The following DLG2 variants were observed in gnomAD, a reference collection of about 807,000 sequenced individuals.
The protein encoded by DLG2 is disks large homolog 2.
A neutral mutation model predicts 132.5 loss-of-function variants in DLG2; 45 were observed. That is an observed-to-expected ratio of 0.34 (90% CI 0.27 to 0.44). The LOEUF is 0.44. Ranked by LOEUF, DLG2 falls within the 20% of genes least tolerant of loss-of-function variation. The pLI is 1.00. For synonymous variants in DLG2, 424 were observed against 419.6 expected (o/e 1.01, Z -0.13); for missense variants, 1,045 against 1,196.9 (o/e 0.87, Z 1.87).
chr11:84,840,803 G>C (rs2080539394), intron 6 of DLG2, among the ~76,000 whole-genome samples: 2 of 151,960 alleles, frequency 1.3e-5, no homozygotes, highest in Admixed American at 1.3e-4. Context: ...AGAACACTTG[G>C]ACACAGGTCG....
At chr11:83,985,594 GACA>G (rs2093208819) in intron 11 of DLG2, among the ~76,000 whole-genome samples, 1 of 152,076 alleles carries the variant, frequency 6.6e-6, no homozygotes, top group African/African-American at 2.4e-5. Flanking sequence ...ACTTACAAGT[GACA>G]ACATGTGGTG....
intron 6 of DLG2, among the ~76,000 whole-genome samples, chr11:84,962,915 C>T (rs2052792290): frequency 6.6e-6 from 1 of 152,174 alleles, no homozygotes; most frequent in Admixed American, 6.6e-5. Context: ...TGTATTTCAA[C>T]TAAAATTGCC....
intron 7 of DLG2, among the ~76,000 whole-genome samples, chr11:84,475,245 AT>A (rs771862404): frequency 1.5e-4 from 23 of 152,136 alleles, no homozygotes; most frequent in Admixed American, 5.2e-4. Flanking sequence ...ATTAAAAAAA[AT>A]ATTACAACAC....
chr11:84,885,335 C>T (rs1187437628), intron 6 of DLG2, among the ~76,000 whole-genome samples: 2 of 151,918 alleles, frequency 1.3e-5, no homozygotes, highest in Non-Finnish European at 2.9e-5. Context: ...GAAAGCAATA[C>T]AGAATAATTT....
At chr11:84,414,396 G>A (rs1263928378) in intron 7 of DLG2, among the ~76,000 whole-genome samples, 1 of 152,076 alleles carries the variant, frequency 6.6e-6, no homozygotes, top group African/African-American at 2.4e-5. Context: ...TTTTACTATT[G>A]CTGCATAACC....
At chr11:85,593,573 T>C (rs2079520546) in intron 3 of DLG2, among the ~76,000 whole-genome samples, 1 of 152,166 alleles carries the variant, frequency 6.6e-6, no homozygotes, top group African/African-American at 2.4e-5. Context: ...AAAAAAGATA[T>C]AAATAAACTA....
intron 3 of DLG2, among the ~76,000 whole-genome samples, chr11:85,574,950 TC>T (rs1229634618): frequency 6.6e-6 from 1 of 152,048 alleles, no homozygotes; most frequent in Non-Finnish European, 1.5e-5. Flanking sequence ...CTCTCACTAT[TC>T]CCACTTCTCC....
chr11:83,477,602 G>A (rs2092717739), intron 22 of DLG2, among the ~76,000 whole-genome samples: 2 of 152,060 alleles, frequency 1.3e-5, no homozygotes, highest in African/African-American at 2.4e-5. Flanking sequence ...AAACACAATG[G>A]ATTGTGAAAC....
chr11:84,444,584 T>A (rs544411915), intron 7 of DLG2, among the ~76,000 whole-genome samples: 5 of 152,250 alleles, frequency 3.3e-5, no homozygotes, highest in African/African-American at 1.2e-4. Context: ...ATCTAGATAA[T>A]ATGTATGTGC....
intron 6 of DLG2, among the ~76,000 whole-genome samples, chr11:84,658,708 C>G (rs1156305623): frequency 6.6e-6 from 1 of 152,092 alleles, no homozygotes; most frequent in Non-Finnish European, 1.5e-5. Flanking sequence ...CTCTCTCTGG[C>G]CATGTGACAC....
chr11:84,935,935 A>G (rs2048695246), intron 6 of DLG2, among the ~76,000 whole-genome samples: 1 of 152,170 alleles, frequency 6.6e-6, no homozygotes, highest in African/African-American at 2.4e-5. Context: ...TTACGCTTAT[A>G]ATATTTTTCT....
chr11:85,126,746 A>G (rs967179014), intron 5 of DLG2, among the ~76,000 whole-genome samples: 4 of 152,230 alleles, frequency 2.6e-5, no homozygotes, highest in African/African-American at 9.7e-5. Flanking sequence ...AAAAAAAGAT[A>G]CAAAGATAAA....
At chr11:84,799,220 G>C (rs2075063125) in intron 6 of DLG2, among the ~76,000 whole-genome samples, 1 of 152,118 alleles carries the variant, frequency 6.6e-6, no homozygotes, top group South Asian at 2.1e-4. Flanking sequence ...GGCGAGCCTT[G>C]CTAAGAAATT....
At chr11:84,233,289 T>C (rs1037815015) in intron 8 of DLG2, among the ~76,000 whole-genome samples, 1 of 152,144 alleles carries the variant, frequency 6.6e-6, no homozygotes, top group Non-Finnish European at 1.5e-5. Context: ...AAAGAAATTG[T>C]TTAGGCAGAT....
intron 11 of DLG2, among the ~76,000 whole-genome samples, chr11:84,056,384 T>C (rs1271243222): frequency 1.3e-5 from 2 of 152,158 alleles, no homozygotes; most frequent in African/African-American, 4.8e-5. Context: ...ATTTTGTCTC[T>C]CCTAGTTATG....
intron 14 of DLG2, among the ~76,000 whole-genome samples, chr11:83,935,285 G>A (rs1317546844): frequency 6.6e-6 from 1 of 152,142 alleles, no homozygotes; most frequent in Non-Finnish European, 1.5e-5. Context: ...CTGTTTATTG[G>A]GCCAAGGATT....
intron 3 of DLG2, among the ~76,000 whole-genome samples, chr11:85,495,223 T>C (rs2093643727): frequency 6.6e-6 from 1 of 152,186 alleles, no homozygotes; most frequent in Non-Finnish European, 1.5e-5. Context: ...AAATCACTGC[T>C]CTTGAATGTT....
chr11:83,608,749 GAA>G (rs1264275858), intron 19 of DLG2, among the ~76,000 whole-genome samples: 4 of 147,040 alleles, frequency 2.7e-5, no homozygotes, highest in Admixed American at 2.7e-4. Flanking sequence ...GAGAGAGAGA[GAA>G]AGAGAGAGAG....
chr11:85,188,431 G>A (rs1595196935), intron 4 of DLG2, among the ~76,000 whole-genome samples: 2 of 152,100 alleles, frequency 1.3e-5, no homozygotes, highest in African/African-American at 4.8e-5. Context: ...CTATAATCTG[G>A]TATCTAAAAT....
Sources: gnomAD v4.1 joint callset for allele counts (sites outside exome capture counted in the v4.1 genomes callset) on GRCh38, gnomAD v4.1.1 for gene constraint, MANE v1.5 for transcripts, NCBI Gene and HGNC (gene_info 2026-07-23, HGNC 2026-07-21) for gene names.